Variants in SEMA4D observed in about 807,000 individuals in gnomAD.
SEMA4D encodes the protein semaphorin-4D.
In SEMA4D, 22 loss-of-function variants were observed where a neutral mutation model predicts 74.8. That is an observed-to-expected ratio of 0.29 (90% CI 0.21 to 0.42). The LOEUF (loss-of-function observed/expected upper bound fraction) is 0.42. SEMA4D is among the 10% of genes least tolerant of loss of function. The pLI, the probability that SEMA4D is intolerant of heterozygous loss-of-function variation, is 1.00. For missense variants in SEMA4D, 937 were observed against 1,118.4 expected, an observed-to-expected ratio of 0.84 and a Z score of 2.31; for synonymous variants, 445 against 463.7, an observed-to-expected ratio of 0.96 and a Z score of 0.52.
At chr9:89,411,966 T>C (rs3924532) in intron 2 of SEMA4D, among the ~76,000 whole-genome samples, 33,315 of 152,158 alleles carry the variant, frequency 0.22, 3,865 homozygotes, top group Non-Finnish European at 0.25. Context: ...CCCACCCGTC[T>C]CAGGCTGCCT....
chr9:89,456,049 C>G (rs114935870), intron 1 of SEMA4D, 96 bp from the exon 2 acceptor site: 1 of 152,224 alleles, frequency 6.6e-6, no homozygotes, highest in South Asian at 2.1e-4. Context: ...CAACCCTGTG[C>G]GAAAAATGTC....
intron 16 of SEMA4D, chr9:89,369,428 C>G (rs1272542252): frequency 6.6e-6 from 1 of 152,194 alleles, no homozygotes; most frequent in African/African-American, 2.4e-5. Flanking sequence ...GAAAATGACA[C>G]GGGTCTAAAC....
chr9:89,375,086 C>G (rs1330479192), downstream of SEMA4D, among the ~76,000 whole-genome samples: 3 of 152,154 alleles, frequency 2.0e-5, no homozygotes, highest in African/African-American at 7.2e-5. Flanking sequence ...ACCAACATTG[C>G]CTGACCATAC....
intron 1 of SEMA4D, among the ~76,000 whole-genome samples, chr9:89,479,022 T>G (rs1862494002): frequency 6.6e-6 from 1 of 152,194 alleles, no homozygotes; most frequent in South Asian, 2.1e-4. Flanking sequence ...TTGGAAGGCC[T>G]GTCCCCTCAC....
chr9:89,446,742 G>T (rs952826512), intron 2 of SEMA4D, among the ~76,000 whole-genome samples: 2 of 152,188 alleles, frequency 1.3e-5, no homozygotes, highest in African/African-American at 4.8e-5. Context: ...AGGAGACTGA[G>T]GCATGAAAGG....
Position 89,378,635 on chromosome 9 carries a change from G to A in SEMA4D, c.*69C>T. On this transcript the variant is annotated 3_prime_UTR_variant, in exon 16 of 16. Transcript: ENST00000422704. ...TGCACGAGACTCGGATACTGAACAG[G>A]AGAAACACAAAACTCTCCACGCCTG... The A allele has an allele frequency of 8.1e-7, 1 of 1,241,830 alleles. No individual in the cohort carries two copies. Among genetic ancestry groups the A allele is most frequent in the Non-Finnish European group, 1.2e-6 (1 of 858,670 alleles). The allele number at this position is 1,241,830 out of a possible 1,614,324, so 76.9% of individuals were successfully genotyped here.
chr9:89,383,016 C>T (rs1312671446), intron 13 of SEMA4D, among the ~76,000 whole-genome samples: 1 of 152,162 alleles, frequency 6.6e-6, no homozygotes, highest in Non-Finnish European at 1.5e-5. Flanking sequence ...CCAAATGAAA[C>T]TAAGCTGTAA....
At chr9:89,370,688 G>A (rs1834448710) in intron 16 of SEMA4D, among the ~76,000 whole-genome samples, 1 of 150,850 alleles carries the variant, frequency 6.6e-6, no homozygotes, top group African/African-American at 2.4e-5. Context: ...GTGTGTGTCT[G>A]GTGTGTGGTA....
chr9:89,467,556 G>T (rs6559357), intron 1 of SEMA4D, among the ~76,000 whole-genome samples: 11,404 of 141,710 alleles, frequency 0.08, 676 homozygotes, highest in Admixed American at 0.16. Context: ...TTTTGAGACA[G>T]AATCTCACTC....
chr9:89,472,520 A>T (rs1476113456), intron 1 of SEMA4D: 1 of 270,946 alleles, frequency 3.7e-6, no homozygotes, highest in Non-Finnish European at 7.4e-6. Context: ...TGGAGTTAAC[A>T]GTCCTAACGA....
intron 16 of SEMA4D, among the ~76,000 whole-genome samples, chr9:89,366,707 G>A (rs1766697457): frequency 6.6e-6 from 1 of 152,218 alleles, no homozygotes; most frequent in South Asian, 2.1e-4. Context: ...CCCAGCTGAT[G>A]GGCATCCAGG....
At chr9:89,373,190 C>T (rs1346786371), downstream of SEMA4D, among the ~76,000 whole-genome samples, 8 of 152,204 alleles carry the variant, frequency 5.3e-5, no homozygotes, top group South Asian at 1.4e-3. Flanking sequence ...CACGTGGCCA[C>T]ATCACCTCCA....
chr9:89,484,369 G>A lies in SEMA4D; in HGVS notation c.-310+13550C>T. Among the ~76,000 whole-genome samples, 1 of 152,212 alleles carries A rather than the reference G, an allele frequency of 6.6e-6. No homozygotes were observed. The highest frequency in any genetic ancestry group is 1.5e-5 in the Non-Finnish European group (1 of 68,034). On this transcript the variant is annotated intron_variant, in intron 1 of 15. Transcript: ENST00000422704. This position sits in a 1 kb window ranked among gnomAD's most constrained non-coding sequence, Gnocchi z 4.1. The stretch of plus-strand genomic sequence containing the variant: ...GTGTGTGCTGTGTGTGCTGCGGCAC[G>A]TGCAGCATATGACTGTGTGGTGTTA...
intron 1 of SEMA4D, among the ~76,000 whole-genome samples, chr9:89,473,683 C>T (rs1030351315): frequency 1.5e-4 from 23 of 151,730 alleles, no homozygotes; most frequent in African/African-American, 4.1e-4. Flanking sequence ...ATGGTGAAAC[C>T]GTCTCTACTA....
intron 2 of SEMA4D, among the ~76,000 whole-genome samples, chr9:89,447,547 T>G (rs1182851854): frequency 6.6e-6 from 1 of 151,858 alleles, no homozygotes; most frequent in Non-Finnish European, 1.5e-5. Context: ...CAGCAAGTCC[T>G]CTGGGTCCAC....
At chr9:89,366,742 T>C (rs1226822580) in intron 16 of SEMA4D, among the ~76,000 whole-genome samples, 2 of 152,202 alleles carry the variant, frequency 1.3e-5, no homozygotes, top group East Asian at 3.8e-4. Flanking sequence ...AAGAAACAGA[T>C]TTTTTTGAGC....
chr9:89,475,750 G>A (rs1288149037), intron 1 of SEMA4D, among the ~76,000 whole-genome samples: 3 of 152,186 alleles, frequency 2.0e-5, no homozygotes, highest in African/African-American at 7.2e-5. Context: ...ATAAGAGCAC[G>A]CCAGGCACAC....
chr9:89,424,666 C>A (rs566997146), intron 2 of SEMA4D, among the ~76,000 whole-genome samples: 25 of 152,066 alleles, frequency 1.6e-4, no homozygotes, highest in Middle Eastern at 3.4e-3. Context: ...GTCTCCTGGG[C>A]ACCCTCTTCC....
Position 89,433,949 on chromosome 9 carries a change from G to A in SEMA4D, c.-244+21939C>T, listed in dbSNP as rs533487153. On this transcript the variant is annotated intron_variant, in intron 2 of 15. Transcript: ENST00000422704. ...CTGGGTGACATGGATGCTATGATGA[G>A]CTGCAGAAGCCCCCATGCAGACGTG... Among the ~76,000 whole-genome samples, 4 of 152,358 alleles carry A rather than the reference G, an allele frequency of 2.6e-5. No individual in the cohort carries two copies. In the South Asian group the frequency reaches 8.3e-4, roughly 32 times the overall value.
Sources: allele counts gnomAD v4.1 joint callset (sites outside exome capture counted in the v4.1 genomes callset), GRCh38; gene constraint gnomAD v4.1.1; non-coding constraint Gnocchi (gnomAD v3.1); transcripts MANE v1.5; gene names NCBI Gene and HGNC (gene_info 2026-07-23, HGNC 2026-07-21).